The following PCDH15 variants were observed in gnomAD, a reference collection of about 807,000 sequenced individuals.
PCDH15 encodes the protein protocadherin related 15, also known as protocadherin-15.
In PCDH15, 129 loss-of-function variants were observed where a neutral mutation model predicts 178.5. That is an observed-to-expected ratio of 0.72 (90% CI 0.63 to 0.84). The LOEUF (loss-of-function observed/expected upper bound fraction) is 0.84, where lower values mean the gene tolerates loss of function less well. Among genes scored for constraint, PCDH15 ranks in the 40% least tolerant of loss-of-function variants. The pLI is 0.00. For missense variants in PCDH15, 2,230 were observed against 2,099.9 expected, an observed-to-expected ratio of 1.06 and a Z score of -1.21; for synonymous variants, 800 against 732.0, an observed-to-expected ratio of 1.09 and a Z score of -1.50.
chr10:54,316,527 TATACACACACACACACACAC>T (rs1694806473), intron 8 of PCDH15, among the ~76,000 whole-genome samples: 1 of 128,156 alleles, frequency 7.8e-6, no homozygotes, highest in African/African-American at 3.1e-5. Flanking sequence ...AGAATATGTG[TATACACACACACACACACAC>T]ACACACACAC....
At chr10:55,557,732 G>T (rs2132094863) in intron 2 of PCDH15, among the ~76,000 whole-genome samples, 2 of 152,188 alleles carry the variant, frequency 1.3e-5, no homozygotes, top group East Asian at 3.9e-4. Flanking sequence ...AATCAATAGT[G>T]ATCCCGAAGG....
At chr10:54,673,915 G>A (rs1227922501) in intron 1 of PCDH15, among the ~76,000 whole-genome samples, 1 of 152,078 alleles carries the variant, frequency 6.6e-6, no homozygotes, top group African/African-American at 2.4e-5. Flanking sequence ...AGTAGAAAAT[G>A]TGTACTTTAA....
intron 20 of PCDH15, among the ~76,000 whole-genome samples, chr10:54,000,238 A>C (rs2134989321): frequency 6.6e-6 from 1 of 152,270 alleles, no homozygotes; most frequent in Non-Finnish European, 1.5e-5. Flanking sequence ...GACTGTGAAG[A>C]ATACAATAAA....
intron 2 of PCDH15, among the ~76,000 whole-genome samples, chr10:55,429,030 A>T (rs1838822664): frequency 6.6e-6 from 1 of 152,050 alleles, no homozygotes; most frequent in African/African-American, 2.4e-5. Flanking sequence ...TTGTGCAATT[A>T]TCATCACATA....
chr10:53,840,915 T>C (rs1376934582), intron 28 of PCDH15, among the ~76,000 whole-genome samples: 1 of 152,312 alleles, frequency 6.6e-6, no homozygotes, highest in African/African-American at 2.4e-5. Context: ...CACGTAGCTA[T>C]ATGCTAAGAA....
At position 54,779,356 on chromosome 10, in the gene PCDH15, C is replaced by A. The variant is rs569613382; in HGVS notation, c.-29+21569G>T. Among the ~76,000 whole-genome samples, 3 of 146,070 alleles carry A rather than the reference C, an allele frequency of 2.1e-5. No homozygotes were observed. In the Admixed American group the frequency reaches 2.1e-4, roughly 10 times the overall value. Reference sequence around the variant, plus strand: ...CAGGACTAGGATTCAGTAATAAGCACTTTTATTTAATATATATATTTATCT... The same window carrying A: ...CAGGACTAGGATTCAGTAATAAGCAATTTTATTTAATATATATATTTATCT... On this transcript the variant is annotated intron_variant, in intron 1 of 37. Transcript: ENST00000644397.
At chr10:53,809,965 G>T (rs1025933747) in intron 37 of PCDH15, among the ~76,000 whole-genome samples, 1 of 152,016 alleles carries the variant, frequency 6.6e-6, no homozygotes, top group Non-Finnish European at 1.5e-5. Flanking sequence ...CATTTTATGA[G>T]AAATCTATTT....
intron 29 of PCDH15, among the ~76,000 whole-genome samples, chr10:53,836,109 C>T (rs998584015): frequency 3.3e-5 from 5 of 152,088 alleles, no homozygotes; most frequent in African/African-American, 9.7e-5. Flanking sequence ...AAATCCCCTA[C>T]CCCTGGGGGA....
chr10:54,409,515 A>T (rs1339034356), intron 3 of PCDH15, among the ~76,000 whole-genome samples: 3 of 151,968 alleles, frequency 2.0e-5, no homozygotes, highest in South Asian at 2.1e-4. Flanking sequence ...ATATGATATT[A>T]AAAAAAAGCT....
At chr10:53,965,318 A>G (rs749760696) in intron 21 of PCDH15, among the ~76,000 whole-genome samples, 2 of 152,100 alleles carry the variant, frequency 1.3e-5, no homozygotes, top group African/African-American at 2.4e-5. Flanking sequence ...TTTGCCTTCC[A>G]AAGGGCTGAG....
At chr10:55,404,078 A>G (rs1006661451) in intron 2 of PCDH15, among the ~76,000 whole-genome samples, 5 of 152,052 alleles carry the variant, frequency 3.3e-5, no homozygotes, top group African/African-American at 1.2e-4. Context: ...ACTGAGATGT[A>G]AATATAGACA....
intron 5 of PCDH15, among the ~76,000 whole-genome samples, chr10:54,362,850 T>C (rs1413934494): frequency 1.3e-5 from 2 of 152,138 alleles, no homozygotes; most frequent in African/African-American, 2.4e-5. Context: ...GTAATTCATA[T>C]AGTTCATATT....
intron 2 of PCDH15, among the ~76,000 whole-genome samples, chr10:55,329,078 T>C (rs2132308257): frequency 6.7e-6 from 1 of 149,958 alleles, no homozygotes; most frequent in South Asian, 2.1e-4. Flanking sequence ...AAACCTAAAG[T>C]TAAATAAGAC....
intron 2 of PCDH15, among the ~76,000 whole-genome samples, chr10:55,516,966 T>C (rs1206971818): frequency 1.3e-5 from 2 of 152,074 alleles, no homozygotes; most frequent in African/African-American, 4.8e-5. Context: ...ACTAAAAAGT[T>C]AATGATTTTC....
chr10:55,229,094 A>G (rs1171948818), intron 1 of PCDH15, among the ~76,000 whole-genome samples: 1 of 151,980 alleles, frequency 6.6e-6, no homozygotes, highest in Non-Finnish European at 1.5e-5. Flanking sequence ...AACTCTATAC[A>G]AATAAAAAGT....
chr10:54,040,068 T>C (rs1370355747), intron 18 of PCDH15, among the ~76,000 whole-genome samples: 4 of 152,064 alleles, frequency 2.6e-5, no homozygotes, highest in African/African-American at 9.7e-5. Flanking sequence ...TCATGCACTA[T>C]ACAAAACATA....
chr10:55,090,514 T>G (rs1444536014), intron 2 of PCDH15, among the ~76,000 whole-genome samples: 1 of 152,030 alleles, frequency 6.6e-6, no homozygotes, highest in African/African-American at 2.4e-5. Context: ...GGGAGCAGCT[T>G]AAAAGTGCAC....
intron 26 of PCDH15, among the ~76,000 whole-genome samples, chr10:53,888,304 A>ATATATATATATATATATATATG (rs1554845195): frequency 1.2e-4 from 11 of 88,946 alleles, no homozygotes; most frequent in African/African-American, 5.8e-4. Context: ...ATATATATAT[A>ATATATATATATATATATATATG]TATATGTATA....
At chr10:55,434,766 C>T (rs1182944899) in intron 2 of PCDH15, among the ~76,000 whole-genome samples, 1 of 151,904 alleles carries the variant, frequency 6.6e-6, no homozygotes, top group Non-Finnish European at 1.5e-5. Context: ...CCACCACACC[C>T]GGCTAATTTT....
Sources: gnomAD v4.1 joint callset for allele counts (sites outside exome capture counted in the v4.1 genomes callset) on GRCh38, gnomAD v4.1.1 for gene constraint, MANE v1.5 for transcripts, NCBI Gene and HGNC (gene_info 2026-07-23, HGNC 2026-07-21) for gene names.